Variants in SNCAIP observed in about 807,000 individuals in gnomAD.
SNCAIP encodes the protein synuclein alpha interacting protein, also known as synphilin-1.
In SNCAIP, 43 loss-of-function variants were observed where a neutral mutation model predicts 86.7. The observed-to-expected ratio is 0.50, with a 90% CI of 0.39 to 0.64. SNCAIP has a LOEUF of 0.64. Ranked by LOEUF, SNCAIP falls within the 30% of genes least tolerant of loss-of-function variation. The pLI is 0.00. For synonymous variants in SNCAIP, 417 were observed against 427.2 expected, an observed-to-expected ratio of 0.98 and a Z score of 0.29; for missense variants, 981 against 1,103.1, an observed-to-expected ratio of 0.89 and a Z score of 1.57.
chr5:122,378,304 T>G (rs11241643), intron 1 of SNCAIP, among the ~76,000 whole-genome samples: 46,933 of 137,496 alleles, frequency 0.34, 11,371 homozygotes, highest in East Asian at 0.53. Context: ...TGATGAGCAT[T>G]TTTTCATGTG....
At chr5:122,340,695 C>G (rs2152720392) in intron 1 of SNCAIP, among the ~76,000 whole-genome samples, 1 of 152,256 alleles carries the variant, frequency 6.6e-6, no homozygotes, top group South Asian at 2.1e-4. Flanking sequence ...ATTACTTTGT[C>G]CTATGTGCAT....
chr5:122,403,997 AC>A lies in SNCAIP; in HGVS notation c.130+138del, dbSNP rs545541838. On this transcript the variant is annotated intron_variant, in intron 3 of 10. Coordinates refer to ENST00000261368, the MANE Select transcript of SNCAIP (RefSeq NM_005460.4). Reference sequence around the variant, plus strand: ...TCTTTACGGCTTCTCCACTCACACCACCCCCCACCTCATGCCCTGCCTTCAA... The same window carrying A: ...TCTTTACGGCTTCTCCACTCACACCACCCCCACCTCATGCCCTGCCTTCAA... 2.6e-4 allele frequency: 185 copies of A among 706,094 alleles called. 1 individual carries two copies. The African/African-American group carries it at 2.7e-3, about 10-fold the overall frequency. The allele number at this position is 706,094 out of a possible 1,614,324, so 43.7% of individuals were successfully genotyped here. A position where few individuals can be genotyped will look rare whatever the true frequency, so the allele number is the denominator to read the frequency against.
chr5:122,399,174 C>T (rs765937879), intron 2 of SNCAIP, among the ~76,000 whole-genome samples: 4 of 151,970 alleles, frequency 2.6e-5, no homozygotes, highest in Non-Finnish European at 4.4e-5. Flanking sequence ...AAAGTCATGG[C>T]GGAAATGAAG....
chr5:122,404,542 A>G (rs113745092), intron 3 of SNCAIP, among the ~76,000 whole-genome samples: 115 of 152,290 alleles, frequency 7.6e-4, no homozygotes, highest in African/African-American at 2.7e-3. Context: ...TGAAAATAAA[A>G]AAGGATATTG....
At chr5:122,379,593 A>T (rs1766200307) in intron 1 of SNCAIP, among the ~76,000 whole-genome samples, 2 of 150,438 alleles carry the variant, frequency 1.3e-5, no homozygotes, top group South Asian at 4.2e-4. Flanking sequence ...AGGAGTGGTG[A>T]GAGAGGGCAT....
Position 122,423,174 on chromosome 5 carries a change from A to C in SNCAIP, c.437A>C (p.Tyr146Ser). Residue 146 changes from tyrosine (Y) to serine (S), a missense_variant, in exon 4 of 11, where the codon TAC becomes TCC. Physicochemically the swap from Tyr to Ser is moderately radical, Grantham distance 144. Coordinates refer to ENST00000261368, the MANE Select transcript of SNCAIP (RefSeq NM_005460.4). The part of the protein sequence containing the change: ...PSTSLGELEH[Y>S]DLDMDEILDV... ...ACATCGCTGGGTGAACTGGAGCACT[A>C]CGACCTCGACATGGATGAGATTCTG... 6.2e-7 allele frequency: 1 copy of C among 1,614,168 alleles called. No homozygotes were observed. The highest frequency in any genetic ancestry group is 8.5e-7 in the Non-Finnish European group (1 of 1,180,016).
chr5:122,345,499 T>C (rs1231343822), intron 1 of SNCAIP, among the ~76,000 whole-genome samples: 1 of 152,158 alleles, frequency 6.6e-6, no homozygotes, highest in Admixed American at 6.5e-5. Context: ...CTATCCCAGT[T>C]CTTTGTTGGC....
At chr5:122,373,055 C>T (rs1199399652) in intron 1 of SNCAIP, among the ~76,000 whole-genome samples, 1 of 152,094 alleles carries the variant, frequency 6.6e-6, no homozygotes, top group Non-Finnish European at 1.5e-5. Flanking sequence ...TGAGACATCC[C>T]GTACTTTAAC....
chr5:122,329,259 T>C (rs1016086943), intron 1 of SNCAIP, among the ~76,000 whole-genome samples: 2 of 137,540 alleles, frequency 1.5e-5, no homozygotes, highest in Admixed American at 7.2e-5. Context: ...AAAGGTAATG[T>C]GGCAAAAAAA....
chr5:122,424,344 C>G (rs1776969250), intron 4 of SNCAIP, among the ~76,000 whole-genome samples: 1 of 152,210 alleles, frequency 6.6e-6, no homozygotes, highest in Admixed American at 6.5e-5. Context: ...TAAGAAAAGT[C>G]TGTTCTGCTT....
chr5:122,406,938 G>T (rs1773130375), intron 3 of SNCAIP, among the ~76,000 whole-genome samples: 1 of 151,938 alleles, frequency 6.6e-6, no homozygotes, highest in Non-Finnish European at 1.5e-5. Flanking sequence ...TTTTGTATAG[G>T]TTGTCAAATG....
At chr5:122,358,711 C>G (rs1761613300) in intron 1 of SNCAIP, among the ~76,000 whole-genome samples, 1 of 151,992 alleles carries the variant, frequency 6.6e-6, no homozygotes, top group South Asian at 2.1e-4. Flanking sequence ...TGTGAAAAAC[C>G]ACAGTTTTTA....
rs537621099 is a variant in SNCAIP, at chr5:122,365,504, C to T, written c.-46-25585C>T. ...GACTAACCTGGCCAACATGGTGAAA[C>T]CCCATCTGTGCTAAAATTACAAAAA... is the stretch of plus-strand genomic sequence containing the variant. On this transcript the variant is annotated intron_variant, in intron 1 of 10. Transcript: ENST00000261368. 1.1e-3 allele frequency among the ~76,000 whole-genome samples: 166 copies of T among 152,202 alleles called. 1 individual carries two copies. Among genetic ancestry groups the T allele is most frequent in the African/African-American group, 3.7e-3 (155 of 41,520 alleles).
At chr5:122,361,842 G>C (rs910924548) in intron 1 of SNCAIP, among the ~76,000 whole-genome samples, 2 of 152,136 alleles carry the variant, frequency 1.3e-5, no homozygotes, top group African/African-American at 4.8e-5. Flanking sequence ...ATAGAAAAAA[G>C]CAGGAAAATC....
At chr5:122,383,085 C>G (rs370206743) in intron 1 of SNCAIP, among the ~76,000 whole-genome samples, 25 of 152,242 alleles carry the variant, frequency 1.6e-4, no homozygotes, top group East Asian at 3.9e-4. Flanking sequence ...TGGAGCTTCC[C>G]GGCTGCTTTG....
chr5:122,329,020 T>A (rs1185934707), intron 1 of SNCAIP, among the ~76,000 whole-genome samples: 2 of 152,168 alleles, frequency 1.3e-5, no homozygotes, highest in Non-Finnish European at 2.9e-5. Context: ...AATTGTATGG[T>A]GATAAATTAT....
intron 1 of SNCAIP, among the ~76,000 whole-genome samples, chr5:122,338,298 A>T (rs1756906969): frequency 1.3e-5 from 2 of 152,294 alleles, no homozygotes; most frequent in South Asian, 4.2e-4. Context: ...ATGCAGATAG[A>T]GGGATGTAGA....
At chr5:122,388,998 A>G (rs1768784406) in intron 1 of SNCAIP, 1 of 152,206 alleles carries the variant, frequency 6.6e-6, no homozygotes, top group African/African-American at 2.4e-5. Flanking sequence ...GTTCTTGCCT[A>G]TAGAATAAAG....
chr5:122,365,242 C>T lies in SNCAIP; in HGVS notation c.-46-25847C>T, dbSNP rs182898822. On this transcript the variant is annotated intron_variant, in intron 1 of 10. Transcript: ENST00000261368. ...ATCGTGACCAATTTTATGATATATGCTTTTCCCCAAAATGCCGTATGTCTT... is the reference window on the plus strand; with the variant it reads ...ATCGTGACCAATTTTATGATATATGTTTTTCCCCAAAATGCCGTATGTCTT... Among the ~76,000 whole-genome samples, 129 of 152,294 alleles carry T rather than the reference C, an allele frequency of 8.5e-4. 1 individual carries two copies. The highest frequency in any genetic ancestry group is 2.7e-3 in the Admixed American group (41 of 15,306).
Sources: allele counts gnomAD v4.1 joint callset (sites outside exome capture counted in the v4.1 genomes callset), GRCh38; gene constraint gnomAD v4.1.1; transcripts MANE v1.5; gene names NCBI Gene and HGNC (gene_info 2026-07-23, HGNC 2026-07-21).